EPHB1: variants seen among roughly 807,000 people sequenced by gnomAD.
EPHB1 encodes the protein ephrin type-B receptor 1.
A neutral mutation model predicts 94.4 loss-of-function variants in EPHB1; 30 were observed. The observed-to-expected ratio is 0.32, with a 90% CI of 0.24 to 0.43. The LOEUF (loss-of-function observed/expected upper bound fraction) is 0.43. EPHB1 is among the 20% of genes least tolerant of loss of function. The pLI is 1.00. For synonymous variants in EPHB1, 522 were observed against 489.1 expected, an observed-to-expected ratio of 1.07 and a Z score of -0.89; for missense variants, 1,055 against 1,308.3, an observed-to-expected ratio of 0.81 and a Z score of 2.99.
chr3:135,123,256 T>C (rs1940050409), intron 4 of EPHB1, among the ~76,000 whole-genome samples: 1 of 152,246 alleles, frequency 6.6e-6, no homozygotes, highest in Non-Finnish European at 1.5e-5. Flanking sequence ...CAATAGTTCC[T>C]ACTTCAAAGA....
intron 1 of EPHB1, among the ~76,000 whole-genome samples, chr3:134,858,888 G>A (rs1034151541): frequency 1.3e-5 from 2 of 152,136 alleles, no homozygotes; most frequent in East Asian, 1.9e-4. Flanking sequence ...CTGAAGATAC[G>A]GGGCCCCTTC....
chr3:134,952,343 CTCTCTCTCT>C (rs1209659970), intron 3 of EPHB1, among the ~76,000 whole-genome samples: 3 of 148,038 alleles, frequency 2.0e-5, no homozygotes, highest in African/African-American at 7.7e-5. Flanking sequence ...TTGAATTTAT[CTCTCTCTCT>C]TCTCTCTCTC....
intron 2 of EPHB1, among the ~76,000 whole-genome samples, chr3:134,930,668 T>C (rs900080505): frequency 6.6e-5 from 10 of 152,252 alleles, no homozygotes; most frequent in Non-Finnish European, 1.2e-4. Context: ...GCAGTCTTTC[T>C]GGTTGCACCT....
intron 13 of EPHB1, among the ~76,000 whole-genome samples, chr3:135,243,312 G>T (rs1239496194): frequency 6.6e-6 from 1 of 152,162 alleles, no homozygotes; most frequent in East Asian, 1.9e-4. Context: ...GTGTATGCTA[G>T]TTGTGACTAA....
At chr3:135,096,999 G>A (rs891921178) in intron 3 of EPHB1, among the ~76,000 whole-genome samples, 6 of 151,336 alleles carry the variant, frequency 4.0e-5, no homozygotes, top group Non-Finnish European at 7.4e-5. Flanking sequence ...TGGAGGCTGA[G>A]GCAGGAGTAT....
chr3:135,041,738 G>T (rs1295785170), intron 3 of EPHB1, among the ~76,000 whole-genome samples: 1 of 152,178 alleles, frequency 6.6e-6, no homozygotes, highest in Non-Finnish European at 1.5e-5. Context: ...CACAGACTGT[G>T]TAATTTATAA....
chr3:134,988,474 A>G (rs1179316742), intron 3 of EPHB1, among the ~76,000 whole-genome samples: 4 of 152,194 alleles, frequency 2.6e-5, no homozygotes, highest in African/African-American at 9.6e-5. Flanking sequence ...AGCAGAACTA[A>G]TGACTGTTGG....
chr3:135,134,521 T>C (rs1488532719), intron 5 of EPHB1, among the ~76,000 whole-genome samples: 1 of 152,220 alleles, frequency 6.6e-6, no homozygotes, highest in African/African-American at 2.4e-5. Context: ...TGTGTTTGTA[T>C]GTATGTGTAT....
intron 15 of EPHB1, among the ~76,000 whole-genome samples, chr3:135,253,429 A>G (rs1477566057): frequency 6.0e-5 from 9 of 148,902 alleles, no homozygotes; most frequent in Admixed American, 4.0e-4. Flanking sequence ...CTTTCTACAT[A>G]TGGCTAGCCA....
chr3:134,985,486 A>C (rs1011799964), intron 3 of EPHB1, among the ~76,000 whole-genome samples: 1 of 152,210 alleles, frequency 6.6e-6, no homozygotes, highest in African/African-American at 2.4e-5. Context: ...GCAGCAGAGC[A>C]ATTAAAGATG....
chr3:134,891,017 A>G lies in EPHB1; in HGVS notation c.59-34799A>G, dbSNP rs569465680. On this transcript the variant is annotated intron_variant, in intron 1 of 15. Coordinates refer to ENST00000398015, the MANE Select transcript of EPHB1 (RefSeq NM_004441.5). Reference sequence around the variant, plus strand: ...GTTGACCATGCTTTCCTCCTTTCCAATTTATACATCTAATATCCTAGGCTA... The same window carrying G: ...GTTGACCATGCTTTCCTCCTTTCCAGTTTATACATCTAATATCCTAGGCTA... Among the ~76,000 whole-genome samples, 25 of 152,224 alleles carry G rather than the reference A, an allele frequency of 1.6e-4. No individual in the cohort carries two copies. The South Asian group carries it at 3.7e-3, about 23-fold the overall frequency.
chr3:135,066,350 G>T (rs1290287052), intron 3 of EPHB1, among the ~76,000 whole-genome samples: 1 of 152,150 alleles, frequency 6.6e-6, no homozygotes, highest in Non-Finnish European at 1.5e-5. Flanking sequence ...CTCAGGTTTT[G>T]TTGTTTAACA....
At chr3:135,202,079 G>T (rs1350455423) in intron 12 of EPHB1, among the ~76,000 whole-genome samples, 1 of 152,164 alleles carries the variant, frequency 6.6e-6, no homozygotes, top group Non-Finnish European at 1.5e-5. Flanking sequence ...TGGGAACTGT[G>T]TCACTAGGTA....
At chr3:135,076,079 C>A (rs538116718) in intron 3 of EPHB1, among the ~76,000 whole-genome samples, 1 of 152,038 alleles carries the variant, frequency 6.6e-6, no homozygotes, top group East Asian at 1.9e-4. Flanking sequence ...GATCATAGAC[C>A]TAAAAGGAAA....
At position 134,969,795 on chromosome 3, in the gene EPHB1, TCTG is replaced by T. The variant is rs1379099247; in HGVS notation, c.805+17746_805+17748del. 2.6e-5 allele frequency among the ~76,000 whole-genome samples: 4 copies of T among 152,152 alleles called. No individual in the cohort carries two copies. The East Asian group carries it at 5.8e-4, about 22-fold the overall frequency. ...TCCCACTGGAGTCTGCTGGAAAAAA[TCTG>T]CTCATTCTGAGATGAGGTCTTAAAG... is the stretch of plus-strand genomic sequence containing the variant. On this transcript the variant is annotated intron_variant, in intron 3 of 15. Transcript: ENST00000398015.
chr3:135,241,052 TGA>T, intron 12 of EPHB1, 94 bp from the exon 13 acceptor site: 1 of 1,394,324 alleles, frequency 7.2e-7, no homozygotes. Context: ...GATATGGGAG[TGA>T]GAGTTTGGAA....
chr3:134,799,916 G>A (rs1482196982), intron 1 of EPHB1, among the ~76,000 whole-genome samples: 1 of 152,122 alleles, frequency 6.6e-6, no homozygotes, highest in Non-Finnish European at 1.5e-5. Context: ...AGGGGACACA[G>A]GACAGCACCA....
intron 3 of EPHB1, among the ~76,000 whole-genome samples, chr3:135,007,167 C>A (rs138468386): frequency 6.6e-6 from 1 of 152,134 alleles, no homozygotes; most frequent in Non-Finnish European, 1.5e-5. Flanking sequence ...ATTCATAGGA[C>A]CATGGAATAG....
At chr3:134,935,787 G>A (rs745797648) in intron 2 of EPHB1, among the ~76,000 whole-genome samples, 5 of 151,874 alleles carry the variant, frequency 3.3e-5, no homozygotes, top group Non-Finnish European at 7.4e-5. Flanking sequence ...CATGAACAAT[G>A]TCAGAGAGCA....
Sources: allele counts gnomAD v4.1 joint callset (sites outside exome capture counted in the v4.1 genomes callset), GRCh38; gene constraint gnomAD v4.1.1; transcripts MANE v1.5; gene names NCBI Gene and HGNC (gene_info 2026-07-23, HGNC 2026-07-21).